Variants in DPY19L3 observed in about 807,000 individuals in gnomAD.
The protein encoded by DPY19L3 is dpy-19 like C-mannosyltransferase 3, also known as protein C-mannosyl-transferase DPY19L3.
In DPY19L3, 51 loss-of-function variants were observed where a neutral mutation model predicts 92.3. That is an observed-to-expected ratio of 0.55 (90% CI 0.44 to 0.70). The LOEUF is 0.70. Among genes scored for constraint, DPY19L3 ranks in the 30% least tolerant of loss-of-function variants. The pLI, the probability that DPY19L3 is intolerant of heterozygous loss-of-function variation, is 0.00. For synonymous variants in DPY19L3, 309 were observed against 315.2 expected (o/e 0.98, Z 0.21); for missense variants, 706 against 855.9 (o/e 0.82, Z 2.18).
At chr19:32,442,477 A>G (rs1418147326) in intron 8 of DPY19L3, among the ~76,000 whole-genome samples, 1 of 152,190 alleles carries the variant, frequency 6.6e-6, no homozygotes, top group African/African-American at 2.4e-5. Flanking sequence ...TTCCTCCCCA[A>G]AGTACATTGA....
At chr19:32,477,368 A>G (rs570890361) in intron 16 of DPY19L3, 154 bp from the exon 17 acceptor site, 12 of 974,856 alleles carry the variant, frequency 1.2e-5, no homozygotes, top group Non-Finnish European at 1.8e-5. Context: ...GTTTGAGTAC[A>G]AATCAAAACC....
At chr19:32,471,809 G>C (rs552573939) in intron 16 of DPY19L3, among the ~76,000 whole-genome samples, 1 of 152,284 alleles carries the variant, frequency 6.6e-6, no homozygotes, top group South Asian at 2.1e-4. Flanking sequence ...GGAAAATAAA[G>C]GGCCTTACCT....
chr19:32,457,909 G>A (rs186074517), intron 10 of DPY19L3, among the ~76,000 whole-genome samples, 191 bp from the exon 11 acceptor site: 1 of 152,300 alleles, frequency 6.6e-6, no homozygotes, highest in Non-Finnish European at 1.5e-5. Context: ...GGGGAGTGGG[G>A]TTTGGAAGGA....
At chr19:32,453,663 G>A (rs1599647328) in intron 9 of DPY19L3, among the ~76,000 whole-genome samples, 1 of 152,020 alleles carries the variant, frequency 6.6e-6, no homozygotes, top group East Asian at 1.9e-4. Context: ...CCTTCACGTT[G>A]GTGGATACCC....
At chr19:32,443,039 C>T (rs1195884991) in intron 8 of DPY19L3, among the ~76,000 whole-genome samples, 1 of 152,076 alleles carries the variant, frequency 6.6e-6, no homozygotes, top group Admixed American at 6.5e-5. Flanking sequence ...CAGAGAAGGT[C>T]AACAGGGAGG....
At chr19:32,430,277 T>A (rs764653557) in intron 3 of DPY19L3, among the ~76,000 whole-genome samples, 4 of 151,982 alleles carry the variant, frequency 2.6e-5, no homozygotes, top group Non-Finnish European at 5.9e-5. Context: ...TAATCCCAGC[T>A]ACTTGGAAGC....
Position 32,465,782 on chromosome 19 carries a change from T to G in DPY19L3, c.1614+998T>G, listed in dbSNP as rs1006433649. Among the ~76,000 whole-genome samples, 4 of 152,160 alleles carry G rather than the reference T, an allele frequency of 2.6e-5. No homozygotes were observed. In the East Asian group the frequency reaches 5.8e-4, roughly 22 times the overall value. On this transcript the variant is annotated intron_variant, in intron 15 of 18. Coordinates refer to ENST00000392250, the MANE Select transcript of DPY19L3 (RefSeq NM_001172774.2). The stretch of plus-strand genomic sequence containing the variant: ...GTTATGAGCCTGTCTATCAAAACAT[T>G]TACCATTAGCAAAACTCTGTGCTAA...
chr19:32,415,391 C>G (rs1449083213), intron 3 of DPY19L3, among the ~76,000 whole-genome samples: 1 of 152,110 alleles, frequency 6.6e-6, no homozygotes. Context: ...GCAGGAAATT[C>G]AAGACGCAAG....
In DPY19L3 at chr19:32,434,544, A is replaced by C. The variant is rs182645845; in HGVS notation, c.328+1738A>C. Among the ~76,000 whole-genome samples the C allele has an allele frequency of 6.6e-5, 10 of 152,290 alleles. No homozygotes were observed. The East Asian group carries it at 1.9e-3, about 29-fold the overall frequency. ...CGTAGTGGCGCATGCCTGTAATTCC[A>C]GCTACTCCGGAGGCTGAGGCAGGAG... On this transcript the variant is annotated intron_variant, in intron 4 of 18. Transcript: ENST00000392250.
intron 1 of DPY19L3, among the ~76,000 whole-genome samples, chr19:32,407,917 G>A (rs1255468618): frequency 6.6e-6 from 1 of 152,100 alleles, no homozygotes; most frequent in Non-Finnish European, 1.5e-5. Flanking sequence ...AAGATAGGGA[G>A]ACCCCATCTT....
At chr19:32,409,683 T>C (rs1455600576) in intron 2 of DPY19L3, among the ~76,000 whole-genome samples, 2 of 152,228 alleles carry the variant, frequency 1.3e-5, no homozygotes, top group African/African-American at 4.8e-5. Context: ...GGCAGAAGAC[T>C]TAGGGGAGCC....
In DPY19L3 at chr19:32,484,859, A is replaced by C. The variant is rs1970759504; in HGVS notation, c.*2619A>C. On this transcript the variant is annotated 3_prime_UTR_variant, in exon 19 of 19. Coordinates refer to ENST00000392250, the MANE Select transcript of DPY19L3 (RefSeq NM_001172774.2). ...TTGAATACTTTGGTAAAAAGTGATA[A>C]AGGCTGAGTTGCCAATAAAAGTTGC... 2.0e-5 allele frequency: 3 copies of C among 152,358 alleles called. No individual in the cohort carries two copies. The highest frequency in any genetic ancestry group is 4.1e-4 in the South Asian group (2 of 4,832). The allele number at this position is 152,358 out of a possible 1,614,324, so 9.4% of individuals were successfully genotyped here.
intron 10 of DPY19L3, 108 bp from the exon 11 acceptor site, chr19:32,457,992 A>C (rs1969919695): frequency 1.2e-5 from 10 of 806,180 alleles, no homozygotes; most frequent in Middle Eastern, 4.7e-4. Flanking sequence ...TTGTACACCC[A>C]CACGCTCCTG....
At chr19:32,424,146 A>G (rs1968675549) in intron 3 of DPY19L3, among the ~76,000 whole-genome samples, 1 of 151,452 alleles carries the variant, frequency 6.6e-6, no homozygotes, top group Non-Finnish European at 1.5e-5. Context: ...GTGAGATCCC[A>G]TCTCTACAAA....
intron 3 of DPY19L3, among the ~76,000 whole-genome samples, chr19:32,418,202 C>T (rs1968441260): frequency 6.6e-6 from 1 of 152,226 alleles, no homozygotes; most frequent in Non-Finnish European, 1.5e-5. Flanking sequence ...CAATTGAGCT[C>T]AGAGTCGTAT....
In DPY19L3 at chr19:32,458,345, C is replaced by A; in HGVS notation, c.1164-6C>A. On this transcript the variant is annotated splice_region_variant and splice_polypyrimidine_tract_variant and intron_variant, in intron 11 of 18. Transcript: ENST00000392250. ...TTTAATACTTTGCTTTCCATTTGTT[C>A]CCTAGGGATTTTGATGCAAATCTCT... 1 of 1,609,400 alleles carries A rather than the reference C, an allele frequency of 6.2e-7. No homozygotes were observed. The highest frequency in any genetic ancestry group is 1.1e-5 in the South Asian group (1 of 89,836).
At chr19:32,463,628 A>G (rs570081874) in intron 13 of DPY19L3, 140 bp downstream of exon 13, 19 of 1,061,750 alleles carry the variant, frequency 1.8e-5, no homozygotes, top group Admixed American at 5.0e-5. Flanking sequence ...ATCTTCTCTC[A>G]GTATAAAATA....
At chr19:32,468,562 C>A in intron 15 of DPY19L3, 169 bp from the exon 16 acceptor site, 1 of 1,269,318 alleles carries the variant, frequency 7.9e-7, no homozygotes. Context: ...GCGCTAGTTC[C>A]CTTGTATTAG....
intron 3 of DPY19L3, among the ~76,000 whole-genome samples, chr19:32,416,314 A>G (rs1968375965): frequency 6.6e-6 from 1 of 152,238 alleles, no homozygotes; most frequent in African/African-American, 2.4e-5. Flanking sequence ...ATGGATGGAC[A>G]TGCCATTTTC....
Sources: gnomAD v4.1 joint callset for allele counts (sites outside exome capture counted in the v4.1 genomes callset) on GRCh38, gnomAD v4.1.1 for gene constraint, MANE v1.5 for transcripts, NCBI Gene and HGNC (gene_info 2026-07-23, HGNC 2026-07-21) for gene names.